Variants in ASIC2 observed in about 807,000 individuals in gnomAD.
The protein encoded by ASIC2 is acid-sensing ion channel 2.
ASIC2 carries 25 observed loss-of-function variants against 57.3 expected under a neutral mutation model. That is an observed-to-expected ratio of 0.44 (90% confidence interval 0.32 to 0.61). The LOEUF is 0.61. Among genes scored for constraint, ASIC2 ranks in the 20% least tolerant of loss-of-function variants. ASIC2 has a pLI of 0.06. For missense variants in ASIC2, 641 were observed against 738.1 expected (o/e 0.87, Z 1.52); for synonymous variants, 319 against 307.5 (o/e 1.04, Z -0.39).
chr17:33,377,594 A>G lies in ASIC2; in HGVS notation c.556-265527T>C, dbSNP rs1295225387. Among the ~76,000 whole-genome samples the G allele has an allele frequency of 2.6e-5, 4 of 152,152 alleles. No individual in the cohort carries two copies. In the East Asian group the frequency reaches 5.8e-4, roughly 22 times the overall value. On this transcript the variant is annotated intron_variant, in intron 1 of 9. Coordinates refer to the ASIC2 transcript ENST00000359872. The stretch of plus-strand genomic sequence containing the variant: ...GAGGAGTACTTGTGATTTCCCCAAT[A>G]TAATTCTTATCTTCTGCAACTTGTC...
intron 1 of ASIC2, among the ~76,000 whole-genome samples, chr17:33,469,175 C>A (rs1358666543): frequency 1.3e-5 from 2 of 152,174 alleles, no homozygotes. Flanking sequence ...CTATGGAGTG[C>A]CTTAGAACCA....
At chr17:33,929,446 G>A (rs967850621) in intron 1 of ASIC2, among the ~76,000 whole-genome samples, 4 of 152,202 alleles carry the variant, frequency 2.6e-5, no homozygotes, top group East Asian at 1.9e-4. Flanking sequence ...TTAATTCAAC[G>A]TTCACCAAGT....
intron 1 of ASIC2, among the ~76,000 whole-genome samples, chr17:33,219,688 G>T (rs1907624220): frequency 6.6e-6 from 1 of 152,194 alleles, no homozygotes; most frequent in Non-Finnish European, 1.5e-5. Flanking sequence ...AGAGATGGGG[G>T]AAAAGTTTCG....
intron 1 of ASIC2, among the ~76,000 whole-genome samples, chr17:33,458,981 G>A (rs1912542375): frequency 6.6e-6 from 1 of 151,986 alleles, no homozygotes; most frequent in Admixed American, 6.6e-5. Flanking sequence ...TCTCATTACT[G>A]GAAAACCTCC....
intron 1 of ASIC2, among the ~76,000 whole-genome samples, chr17:33,750,566 G>C (rs1426018788): frequency 1.3e-5 from 2 of 152,112 alleles, no homozygotes; most frequent in African/African-American, 4.8e-5. Flanking sequence ...TTTAATAACA[G>C]GACTTAGTGC....
At chr17:33,313,160 A>AT (rs989785596) in intron 1 of ASIC2, among the ~76,000 whole-genome samples, 7 of 150,484 alleles carry the variant, frequency 4.7e-5, no homozygotes, top group Admixed American at 1.3e-4. Context: ...TCTCAACAAA[A>AT]TTTTTTTTTT....
chr17:33,797,719 G>A (rs887550594), intron 1 of ASIC2, among the ~76,000 whole-genome samples: 6 of 152,204 alleles, frequency 3.9e-5, no homozygotes, highest in Non-Finnish European at 8.8e-5. Flanking sequence ...GCGCTTCCCT[G>A]GTTCTATTTG....
chr17:33,529,506 C>A (rs1413974175), intron 1 of ASIC2, among the ~76,000 whole-genome samples: 2 of 152,164 alleles, frequency 1.3e-5, no homozygotes, highest in African/African-American at 2.4e-5. Context: ...TCTGCAAGAC[C>A]CCTAGCTCAT....
intron 1 of ASIC2, among the ~76,000 whole-genome samples, chr17:33,676,987 T>C (rs1481158276): frequency 6.6e-6 from 1 of 152,214 alleles, no homozygotes; most frequent in Non-Finnish European, 1.5e-5. Flanking sequence ...CGCTTGCACC[T>C]TCTTTTGCCA....
intron 1 of ASIC2, among the ~76,000 whole-genome samples, chr17:33,548,562 T>A (rs566840690): frequency 3.3e-5 from 5 of 152,200 alleles, no homozygotes; most frequent in African/African-American, 1.2e-4. Flanking sequence ...AGCATTGGAC[T>A]GGGAGTCTAC....
intron 1 of ASIC2, among the ~76,000 whole-genome samples, chr17:33,243,516 A>G (rs1488609428): frequency 1.3e-5 from 2 of 152,074 alleles, no homozygotes; most frequent in African/African-American, 4.8e-5. Context: ...TGGAGCTTCA[A>G]AGAAGGGAAA....
At chr17:34,125,047 G>A (rs1167438347) in intron 1 of ASIC2, among the ~76,000 whole-genome samples, 2 of 151,244 alleles carry the variant, frequency 1.3e-5, no homozygotes, top group Non-Finnish European at 2.9e-5. Context: ...TCCCTATTCT[G>A]GAAAAACGTC....
At chr17:33,174,143 C>A (rs1905642347) in intron 1 of ASIC2, among the ~76,000 whole-genome samples, 1 of 152,128 alleles carries the variant, frequency 6.6e-6, no homozygotes, top group South Asian at 2.1e-4. Flanking sequence ...TCCATGGGGC[C>A]AGGCACGGTG....
intron 1 of ASIC2, among the ~76,000 whole-genome samples, chr17:33,456,224 G>A (rs1037840049): frequency 3.3e-5 from 5 of 152,162 alleles, no homozygotes; most frequent in Non-Finnish European, 7.4e-5. Flanking sequence ...AGGCTTTGCT[G>A]AGTTTGGTGG....
intron 3 of ASIC2, among the ~76,000 whole-genome samples, chr17:33,038,385 G>T (rs1446001874): frequency 6.6e-6 from 1 of 152,132 alleles, no homozygotes; most frequent in Non-Finnish European, 1.5e-5. Context: ...ACTCCTGCCC[G>T]GTTCAGACAT....
chr17:33,434,390 A>G (rs1245830120), intron 1 of ASIC2, among the ~76,000 whole-genome samples: 1 of 152,186 alleles, frequency 6.6e-6, no homozygotes, highest in Non-Finnish European at 1.5e-5. Context: ...TGCTTGAGTG[A>G]CCAACACCAA....
Position 33,203,021 on chromosome 17 carries a change from C to G in ASIC2, c.708+88387G>C, listed in dbSNP as rs188413677. Among the ~76,000 whole-genome samples, 5 of 152,350 alleles carry G rather than the reference C, an allele frequency of 3.3e-5. No individual in the cohort carries two copies. In the East Asian group the frequency reaches 9.6e-4, roughly 29 times the overall value. On this transcript the variant is annotated intron_variant, in intron 1 of 9. Transcript: ENST00000225823. Reference sequence around the variant, plus strand: ...AAAGCAACAGGATAGCCCTTTGATTCAGCGAGAAAGGTGGCACGTGGTGTC... The same window carrying G: ...AAAGCAACAGGATAGCCCTTTGATTGAGCGAGAAAGGTGGCACGTGGTGTC...
At chr17:33,294,106 G>A (rs563263816), upstream of ASIC2, among the ~76,000 whole-genome samples, 77 of 152,278 alleles carry the variant, frequency 5.1e-4, no homozygotes, top group Admixed American at 4.2e-3. Flanking sequence ...CTCTCCAAGA[G>A]GGTGGGAAGG....
chr17:33,608,179 A>G (rs1905275242), intron 1 of ASIC2, among the ~76,000 whole-genome samples: 1 of 152,184 alleles, frequency 6.6e-6, no homozygotes, highest in East Asian at 1.9e-4. Flanking sequence ...GGCGTTACAT[A>G]GGCTTCCCAT....
Sources: allele counts gnomAD v4.1 joint callset (sites outside exome capture counted in the v4.1 genomes callset), GRCh38; gene constraint gnomAD v4.1.1; transcripts MANE v1.5; gene names NCBI Gene and HGNC (gene_info 2026-07-23, HGNC 2026-07-21).